The following TPH2 variants were observed in gnomAD, a reference collection of about 807,000 sequenced individuals.
The protein encoded by TPH2 is tryptophan hydroxylase 2.
TPH2 carries 27 observed loss-of-function variants against 59.1 expected under a neutral mutation model. The ratio of observed to expected loss-of-function variants is 0.46; its 90% CI spans 0.34 to 0.63. The LOEUF (loss-of-function observed/expected upper bound fraction) is 0.63. TPH2 is among the 30% of genes least tolerant of loss of function. The pLI is 0.01. For synonymous variants in TPH2, 220 were observed against 210.5 expected (o/e 1.05, Z -0.39); for missense variants, 523 against 588.3 (o/e 0.89, Z 1.15).
At chr12:71,979,458 G>A (rs1437734145) in intron 7 of TPH2, among the ~76,000 whole-genome samples, 1 of 152,194 alleles carries the variant, frequency 6.6e-6, no homozygotes, top group African/African-American at 2.4e-5. Context: ...GGAGGTTCAT[G>A]TACACACACC....
At chr12:71,969,219 C>G (rs1871904444) in intron 5 of TPH2, among the ~76,000 whole-genome samples, 1 of 152,082 alleles carries the variant, frequency 6.6e-6, no homozygotes, top group South Asian at 2.1e-4. Flanking sequence ...GGAGGCGGAG[C>G]TTGCAGTGAG....
At chr12:71,994,874 C>T (rs1369103780) in intron 8 of TPH2, among the ~76,000 whole-genome samples, 2 of 152,148 alleles carry the variant, frequency 1.3e-5, no homozygotes, top group Non-Finnish European at 2.9e-5. Flanking sequence ...GGTATGAAAG[C>T]AGCCACAGAC....
rs1340978908 is a variant in TPH2, at chr12:71,944,603, T to C, written c.457T>C (p.Trp153Arg). 1 of 1,613,966 alleles carries C rather than the reference T, an allele frequency of 6.2e-7. No individual in the cohort carries two copies. The highest frequency in any genetic ancestry group is 8.5e-7 in the Non-Finnish European group (1 of 1,179,852). Residue 153 changes from tryptophan to arginine, a missense_variant, in exon 4 of 11, where the codon TGG becomes CGG. Physicochemically the swap from Trp to Arg is moderately radical, Grantham distance 101. Transcript: ENST00000333850. ...TEEEELEDVP[W>R]FPRKISELDK... ...TTCAACAGAGCTAGAGGATGTGCCC[T>C]GGTTCCCTCGGAAGATCTCTGAGTT...
At chr12:71,958,588 A>G (rs1395233408) in intron 5 of TPH2, among the ~76,000 whole-genome samples, 1 of 152,230 alleles carries the variant, frequency 6.6e-6, no homozygotes, top group Middle Eastern at 3.2e-3. Context: ...GACATCTGCC[A>G]GGGTCTGGCA....
chr12:72,027,786 C>A (rs1229127463), intron 9 of TPH2, among the ~76,000 whole-genome samples: 1 of 152,092 alleles, frequency 6.6e-6, no homozygotes, highest in African/African-American at 2.4e-5. Context: ...TCCGCAGGCC[C>A]AGTGGGAAAG....
At chr12:71,982,032 T>TTTTTTTTTTTTTTTTTTTTTTTTG (rs71071810) in intron 7 of TPH2, among the ~76,000 whole-genome samples, 1 of 144,340 alleles carries the variant, frequency 6.9e-6, no homozygotes, top group Non-Finnish European at 1.5e-5. Context: ...TTTTTTTTTT[T>TTTTTTTTTTTTTTTTTTTTTTTTG]AGACAGAGTC....
intron 5 of TPH2, chr12:71,961,407 A>G (rs1871678243): frequency 5.1e-6 from 3 of 588,620 alleles, no homozygotes. Context: ...CAAGACCATG[A>G]GCTGTAGGAT....
In TPH2 at chr12:71,963,558, C is replaced by A. The variant is rs1211888802; in HGVS notation, c.609-8961C>A. 4.1e-5 allele frequency among the ~76,000 whole-genome samples: 2 copies of A among 49,054 alleles called. 1 individual carries two copies. The highest frequency in any genetic ancestry group is 4.3e-4 in the Admixed American group (2 of 4,698). The allele number at this position is 49,054 out of a possible 152,430, so 32.2% of individuals were successfully genotyped here. On this transcript the variant is annotated intron_variant, in intron 5 of 10. Coordinates refer to ENST00000333850, the MANE Select transcript of TPH2 (RefSeq NM_173353.4). ...GGATACTTTGGCTCACACCTGTAAT[C>A]CCAGCTCTTTGGGAGGCCGAGGTGG...
intron 8 of TPH2, among the ~76,000 whole-genome samples, chr12:72,021,464 A>T (rs34540665): frequency 5.4e-5 from 8 of 149,034 alleles, no homozygotes; most frequent in Non-Finnish European, 4.5e-5. Context: ...TTTTTTTTTT[A>T]ACTTCATGAT....
rs780434655 is a variant in TPH2, at chr12:71,972,574, G to A, written c.664G>A (p.Val222Ile). ...YTEEETKTWG[V>I]VFRELSKLYP... Reference sequence around the variant, plus strand: ...TGAAGAAGAAACTAAAACTTGGGGTGTTGTATTCCGGGAGCTCTCCAAACT... The same window carrying A: ...TGAAGAAGAAACTAAAACTTGGGGTATTGTATTCCGGGAGCTCTCCAAACT... Residue 222 changes from valine (V) to isoleucine (I), a missense_variant, in exon 6 of 11, where the codon GTT becomes ATT. Transcript: ENST00000333850. 1 of 1,614,158 alleles carries A rather than the reference G, an allele frequency of 6.2e-7. No homozygotes were observed. Among genetic ancestry groups the A allele is most frequent in the Non-Finnish European group, 8.5e-7 (1 of 1,180,022 alleles).
intron 6 of TPH2, among the ~76,000 whole-genome samples, chr12:71,977,931 G>A (rs1337863984): frequency 6.6e-6 from 1 of 152,168 alleles, no homozygotes; most frequent in Non-Finnish European, 1.5e-5. Context: ...GCATAGTGGT[G>A]ATCTTATCAG....
At chr12:71,997,442 A>G (rs928480642) in intron 8 of TPH2, among the ~76,000 whole-genome samples, 5 of 152,224 alleles carry the variant, frequency 3.3e-5, no homozygotes, top group Non-Finnish European at 7.3e-5. Flanking sequence ...TTTCTGGGAA[A>G]AATGAATACT....
chr12:71,996,604 C>T (rs1051991163), intron 8 of TPH2, among the ~76,000 whole-genome samples: 1 of 152,100 alleles, frequency 6.6e-6, no homozygotes, highest in Non-Finnish European at 1.5e-5. Flanking sequence ...ATATATCGCT[C>T]ACTTGTCTGA....
chr12:72,021,220 C>CT (rs1304045120), intron 8 of TPH2, among the ~76,000 whole-genome samples: 2 of 151,444 alleles, frequency 1.3e-5, no homozygotes, highest in African/African-American at 2.4e-5. Flanking sequence ...TTTTGTTTTT[C>CT]TTTTTTTTTC....
intron 7 of TPH2, among the ~76,000 whole-genome samples, chr12:71,982,758 T>C (rs1380477342): frequency 1.3e-5 from 2 of 152,164 alleles, no homozygotes; most frequent in African/African-American, 2.4e-5. Flanking sequence ...TGCTGAACTG[T>C]TGTAGTGGAG....
Position 72,001,301 on chromosome 12 carries a change from G to A in TPH2, c.1068+6736G>A, listed in dbSNP as rs115894616. Reference sequence around the variant, plus strand: ...TTGGCTAAGGGTAATGAGGGAGTAAGGAGTCTTTCCCAGAACCGGTTCCTG... The same window carrying A: ...TTGGCTAAGGGTAATGAGGGAGTAAAGAGTCTTTCCCAGAACCGGTTCCTG... On this transcript the variant is annotated intron_variant, in intron 8 of 10. Coordinates refer to ENST00000333850, the MANE Select transcript of TPH2 (RefSeq NM_173353.4). 8.2e-3 allele frequency among the ~76,000 whole-genome samples: 1,243 copies of A among 152,268 alleles called. 18 individuals carry two copies. Among genetic ancestry groups the A allele is most frequent in the African/African-American group, 0.028 (1,179 of 41,540 alleles).
chr12:72,010,804 GACC>G (rs1873081340), intron 8 of TPH2, among the ~76,000 whole-genome samples: 1 of 152,172 alleles, frequency 6.6e-6, no homozygotes, highest in South Asian at 2.1e-4. Context: ...TTCGAGAGCT[GACC>G]TTTAAAATCA....
At chr12:72,016,792 G>A (rs1487528829) in intron 8 of TPH2, among the ~76,000 whole-genome samples, 1 of 152,158 alleles carries the variant, frequency 6.6e-6, no homozygotes, top group Non-Finnish European at 1.5e-5. Flanking sequence ...CTTAAATGAT[G>A]TGTGTAAGCC....
intron 6 of TPH2, among the ~76,000 whole-genome samples, chr12:71,976,216 T>C (rs997071764): frequency 1.3e-5 from 2 of 152,226 alleles, no homozygotes; most frequent in African/African-American, 4.8e-5. Flanking sequence ...GAGAAATTAA[T>C]TGATATACCT....
Sources: allele counts gnomAD v4.1 joint callset (sites outside exome capture counted in the v4.1 genomes callset), GRCh38; gene constraint gnomAD v4.1.1; transcripts MANE v1.5; gene names NCBI Gene and HGNC (gene_info 2026-07-23, HGNC 2026-07-21).